ZNF492: variants seen among roughly 807,000 people sequenced by gnomAD.
ZNF492 encodes zinc finger protein 492.
ZNF492 carries 3 observed loss-of-function variants against 6.4 expected under a neutral mutation model. That is an observed-to-expected ratio of 0.47 (90% CI 0.21 to 1.22). ZNF492 has a LOEUF of 1.22. ZNF492 is among the 50% of genes most tolerant of loss of function. The pLI is 0.22. For synonymous variants in ZNF492, 112 were observed against 205.3 expected, an observed-to-expected ratio of 0.55 and a Z score of 3.89; for missense variants, 356 against 612.5, an observed-to-expected ratio of 0.58 and a Z score of 4.42.
At chr19:22,655,675 A>AATTTTTTTTTTTT (rs2033181034) in intron 3 of ZNF492, among the ~76,000 whole-genome samples, 1 of 109,466 alleles carries the variant, frequency 9.1e-6, no homozygotes, top group African/African-American at 4.1e-5. Context: ...CAGTGACTTA[A>AATTTTTTTTTTTT]TTTTTTTTTT....
In ZNF492 at chr19:22,647,849, A is replaced by G. The variant is rs144419635; in HGVS notation, c.-93-5458A>G. 6.9e-3 allele frequency among the ~76,000 whole-genome samples: 981 copies of G among 141,620 alleles called. 7 individuals are homozygous for G. Among genetic ancestry groups the G allele is most frequent in the African/African-American group, 0.025 (917 of 37,122 alleles). The allele number at this position is 141,620 out of a possible 152,430, so 92.9% of individuals were successfully genotyped here. A position where few individuals can be genotyped will look rare whatever the true frequency, so the allele number is the denominator to read the frequency against. ...GGTTCAAGCAATTCTCTCTGCCTCA[A>G]CCTCCTGAGTAGCTGGGATTATAGG... On this transcript the variant is annotated intron_variant, in intron 1 of 3. Transcript: ENST00000456783.
At chr19:22,645,713 A>C (rs2145247844) in intron 1 of ZNF492, among the ~76,000 whole-genome samples, 1 of 152,264 alleles carries the variant, frequency 6.6e-6, no homozygotes, top group South Asian at 2.1e-4. Context: ...TGTAAGGAAG[A>C]GGTCCAGTTT....
chr19:22,643,472 T>G (rs1490642124), intron 1 of ZNF492, among the ~76,000 whole-genome samples: 1 of 152,148 alleles, frequency 6.6e-6, no homozygotes, highest in East Asian at 1.9e-4. Context: ...TGTGCCTGCT[T>G]TCTCTAACTA....
intron 3 of ZNF492, among the ~76,000 whole-genome samples, chr19:22,657,287 C>T (rs2361253): frequency 6.6e-6 from 1 of 152,086 alleles, no homozygotes; most frequent in South Asian, 2.1e-4. Flanking sequence ...ATATTTGTTT[C>T]ATATATCAGA....
Position 22,659,423 on chromosome 19 carries a change from T to G in ZNF492, c.131-4377T>G, listed in dbSNP as rs549261553. Among the ~76,000 whole-genome samples, 318 of 151,996 alleles carry G rather than the reference T, an allele frequency of 2.1e-3. 4 individuals are homozygous for G. The highest frequency in any genetic ancestry group is 7.5e-3 in the African/African-American group (308 of 41,330). On this transcript the variant is annotated intron_variant, in intron 3 of 3. Transcript: ENST00000456783. ...CTTACACTGCCTGGAAGTCCTCTAT[T>G]CCCTTACTAATATTCTCATTTAATT...
chr19:22,656,696 G>C (rs1265228330), intron 3 of ZNF492, among the ~76,000 whole-genome samples: 2 of 152,064 alleles, frequency 1.3e-5, no homozygotes, highest in Admixed American at 1.3e-4. Flanking sequence ...ATTCTCAGTG[G>C]GACCAAGTTT....
At chr19:22,635,322 C>T (rs1277828365) in intron 1 of ZNF492, among the ~76,000 whole-genome samples, 1 of 152,214 alleles carries the variant, frequency 6.6e-6, no homozygotes, top group African/African-American at 2.4e-5. Context: ...CACCCCATTT[C>T]TCCAGCTTAA....
At chr19:22,649,633 T>G (rs1438298516) in intron 1 of ZNF492, among the ~76,000 whole-genome samples, 3 of 150,906 alleles carry the variant, frequency 2.0e-5, no homozygotes, top group Non-Finnish European at 3.0e-5. Flanking sequence ...TTCTTGTTCA[T>G]TCTTGTTCAG....
chr19:22,651,761 A>G (rs1971941841), intron 1 of ZNF492, among the ~76,000 whole-genome samples: 1 of 152,088 alleles, frequency 6.6e-6, no homozygotes, highest in South Asian at 2.1e-4. Context: ...TTGAGGTTCC[A>G]TCTCTGTTCT....
chr19:22,657,262 A>T (rs1972005388), intron 3 of ZNF492, among the ~76,000 whole-genome samples: 1 of 152,168 alleles, frequency 6.6e-6, no homozygotes, highest in African/African-American at 2.4e-5. Flanking sequence ...AAAATATGAC[A>T]TGATTTGTTC....
chr19:22,665,457 G>A lies in ZNF492; in HGVS notation c.*192G>A, dbSNP rs998618115. The A allele has an allele frequency of 3.4e-6, 4 of 1,185,630 alleles. No homozygotes were observed. The African/African-American group carries it at 6.2e-5, about 18-fold the overall frequency. The allele number at this position is 1,185,630 out of a possible 1,614,324, so 73.4% of individuals were successfully genotyped here. On this transcript the variant is annotated 3_prime_UTR_variant, in exon 4 of 4. Transcript: ENST00000456783. ...GTACAAATATAAAGAAAGTAAAAAA[G>A]TGATTAATATCTGTGCACATCTTAT...
chr19:22,647,544 G>C (rs1210880690), intron 1 of ZNF492, among the ~76,000 whole-genome samples: 2 of 151,178 alleles, frequency 1.3e-5, no homozygotes, highest in African/African-American at 4.9e-5. Context: ...GATTACAGGG[G>C]TGAGCCACCA....
intron 3 of ZNF492, among the ~76,000 whole-genome samples, chr19:22,658,289 A>G (rs1264491236): frequency 1.3e-5 from 2 of 151,450 alleles, no homozygotes; most frequent in African/African-American, 4.9e-5. Flanking sequence ...AGACATGGTG[A>G]AGTGGTCCTG....
At chr19:22,656,354 T>TA (rs1293091078) in intron 3 of ZNF492, among the ~76,000 whole-genome samples, 2 of 151,278 alleles carry the variant, frequency 1.3e-5, no homozygotes, top group African/African-American at 4.9e-5. Flanking sequence ...CTTTGCTCTG[T>TA]AGGGCAGACG....
intron 1 of ZNF492, among the ~76,000 whole-genome samples, chr19:22,652,523 G>A (rs1299085024): frequency 6.6e-6 from 1 of 151,372 alleles, no homozygotes; most frequent in African/African-American, 2.4e-5. Context: ...AAAAACATGG[G>A]CATTACTGGT....
intron 1 of ZNF492, among the ~76,000 whole-genome samples, chr19:22,640,176 T>TTG (rs1971812265): frequency 1.3e-5 from 2 of 152,044 alleles, no homozygotes; most frequent in African/African-American, 4.8e-5. Context: ...TTTTTTTTTT[T>TTG]CTTTGAGATG....
At chr19:22,635,190 G>A (rs1420005829) in intron 1 of ZNF492, among the ~76,000 whole-genome samples, 1 of 151,642 alleles carries the variant, frequency 6.6e-6, no homozygotes, top group African/African-American at 2.4e-5. Context: ...ATTTGAGTTT[G>A]ATTTTTTAAA....
chr19:22,636,624 T>C (rs1312149562), intron 1 of ZNF492, among the ~76,000 whole-genome samples: 1 of 151,390 alleles, frequency 6.6e-6, no homozygotes, highest in African/African-American at 2.4e-5. Context: ...ATTTTATTTA[T>C]TTATTTTTAT....
At chr19:22,660,327 G>A (rs1193047904) in intron 3 of ZNF492, among the ~76,000 whole-genome samples, 10 of 151,074 alleles carry the variant, frequency 6.6e-5, no homozygotes, top group Non-Finnish European at 1.3e-4. Flanking sequence ...TTGCATCTTT[G>A]TTTCTCATTT....
Sources: allele counts gnomAD v4.1 joint callset (sites outside exome capture counted in the v4.1 genomes callset), GRCh38; gene constraint gnomAD v4.1.1; transcripts MANE v1.5; gene names NCBI Gene and HGNC (gene_info 2026-07-23, HGNC 2026-07-21).